The following COPS8 variants were observed in gnomAD, a reference collection of about 807,000 sequenced individuals.
COPS8 encodes the protein COP9 signalosome subunit 8.
A neutral mutation model predicts 31.5 loss-of-function variants in COPS8; 11 were observed. That is an observed-to-expected ratio of 0.35 (90% confidence interval 0.22 to 0.58). The LOEUF (loss-of-function observed/expected upper bound fraction) is 0.58. COPS8 is among the 20% of genes least tolerant of loss of function. The pLI is 0.83. For synonymous variants in COPS8, 81 were observed against 89.3 expected (o/e 0.91, Z 0.52); for missense variants, 215 against 255.1 (o/e 0.84, Z 1.07).
At chr2:237,088,562 A>G (rs749370827) in intron 2 of COPS8, 43 bp from the exon 3 acceptor site, 119 of 1,426,216 alleles carry the variant, frequency 8.3e-5, no homozygotes, top group Non-Finnish European at 9.8e-7. Flanking sequence ...TGAGATGATT[A>G]TGTTTTTAAT....
At chr2:237,088,448 T>C (rs1167417295) in intron 2 of COPS8, among the ~76,000 whole-genome samples, 157 bp from the exon 3 acceptor site, 2 of 152,232 alleles carry the variant, frequency 1.3e-5, no homozygotes, top group African/African-American at 4.8e-5. Context: ...AAAACCACTA[T>C]TGTTTCCCCA....
Position 237,094,167 on chromosome 2 carries a change from G to A in COPS8, c.409G>A (p.Val137Ile). The A allele has an allele frequency of 6.2e-7, 1 of 1,614,042 alleles. No individual in the cohort carries two copies. Among genetic ancestry groups the A allele is most frequent in the Non-Finnish European group, 8.5e-7 (1 of 1,179,954 alleles). Residue 137 changes from valine (V) to isoleucine (I), a missense_variant, in exon 5 of 8, where the codon GTT (valine) becomes ATT (isoleucine). By Grantham distance (29) the Val-to-Ile change is conservative. Coordinates refer to ENST00000354371, the MANE Select transcript of COPS8 (RefSeq NM_006710.5). Reference protein sequence around the residue: ...SIIADDFAAFVGLPVEEAVKG... With the variant: ...SIIADDFAAFIGLPVEEAVKG... ...CATCGCCGATGATTTTGCAGCCTTTGTTGGACTTCCTGTAGAAGAGGCTGT... is the reference window on the plus strand; with the variant it reads ...CATCGCCGATGATTTTGCAGCCTTTATTGGACTTCCTGTAGAAGAGGCTGT...
chr2:237,095,726 A>G, intron 5 of COPS8, 96 bp from the exon 6 acceptor site: 1 of 784,380 alleles, frequency 1.3e-6, no homozygotes, highest in East Asian at 2.6e-5. Flanking sequence ...TACTAAACAC[A>G]TCAGGTCTTC....
intron 4 of COPS8, among the ~76,000 whole-genome samples, chr2:237,092,036 CT>C (rs1696713859): frequency 2.0e-5 from 3 of 152,226 alleles, no homozygotes; most frequent in Admixed American, 2.0e-4. Context: ...TTCATCTTCC[CT>C]TCTGTCTCCA....
Position 237,095,919 on chromosome 2 carries a change from G to C in COPS8, c.502+35G>C, listed in dbSNP as rs756433161. 14 of 1,475,830 alleles carry C rather than the reference G, an allele frequency of 9.5e-6. No homozygotes were observed. The South Asian group carries it at 1.5e-4, about 16-fold the overall frequency. 91.4% of individuals were successfully genotyped at this position (1,475,830 alleles called of 1,614,324 possible). A position where few individuals can be genotyped will look rare whatever the true frequency, so the allele number is the denominator to read the frequency against. On this transcript the variant is annotated intron_variant, in intron 6 of 7. Coordinates refer to ENST00000354371, the MANE Select transcript of COPS8 (RefSeq NM_006710.5). ...GCTTTCACCCATTTACGCAGCACTG[G>C]ACTCTTCTAAGACTGCTTCAGGTTT... is the stretch of plus-strand genomic sequence containing the variant.
At chr2:237,094,241 G>T (rs1696755648) in intron 5 of COPS8, 44 bp downstream of exon 5, 1 of 1,566,206 alleles carries the variant, frequency 6.4e-7, no homozygotes. Flanking sequence ...ATGGAAAATA[G>T]AAGTGTGAAT....
rs767356850 is a variant in COPS8 at position 237,087,129 on chromosome 2, C to T, written c.81C>T (p.Ala27=). 1 of 1,600,860 alleles carries T rather than the reference C, an allele frequency of 6.2e-7. No homozygotes were observed. The highest frequency in any genetic ancestry group is 1.1e-5 in the South Asian group (1 of 88,360). ...LDQCENQELE[A]PGGIATPPVY... ...TGTTTTCATTTTTGGCCTTCTAGGC[C>T]CCTGGAGGAATTGCTACACCCCCAG... Residue 27 remains alanine (A), a splice_region_variant and synonymous_variant, in exon 2 of 8, where the codon GCC becomes GCT. Transcript: ENST00000354371.
chr2:237,091,671 A>G (rs537727080), intron 4 of COPS8, among the ~76,000 whole-genome samples: 2 of 152,370 alleles, frequency 1.3e-5, no homozygotes, highest in African/African-American at 4.8e-5. Context: ...AGAAAACTGA[A>G]AATGACTTAA....
At chr2:237,086,071 C>G in intron 1 of COPS8, 29 bp downstream of exon 1, 1 of 1,596,668 alleles carries the variant, frequency 6.3e-7, no homozygotes, top group South Asian at 1.1e-5. Context: ...CTGGGAGAAA[C>G]TGCGGAGTAG....
At chr2:237,087,792 C>G (rs1176060375) in intron 2 of COPS8, among the ~76,000 whole-genome samples, 1 of 152,038 alleles carries the variant, frequency 6.6e-6, no homozygotes, top group Non-Finnish European at 1.5e-5. Flanking sequence ...ATTAGCTGGG[C>G]ATGGTTGCGT....
chr2:237,086,299 C>G (rs1237962645), intron 1 of COPS8, among the ~76,000 whole-genome samples: 1 of 152,136 alleles, frequency 6.6e-6, no homozygotes, highest in African/African-American at 2.4e-5. Flanking sequence ...GCTCCAGCAC[C>G]TACCGATGAG....
At chr2:237,097,486 T>C (rs968548622) in intron 7 of COPS8, among the ~76,000 whole-genome samples, 177 bp from the exon 8 acceptor site, 3 of 152,202 alleles carry the variant, frequency 2.0e-5, no homozygotes, top group Admixed American at 6.5e-5. Flanking sequence ...ACTTCTTGGC[T>C]TGCTTTTCAA....
At chr2:237,096,416 C>T (rs892485018) in intron 6 of COPS8, among the ~76,000 whole-genome samples, 1 of 152,144 alleles carries the variant, frequency 6.6e-6, no homozygotes, top group Non-Finnish European at 1.5e-5. Context: ...CACTCATTCC[C>T]GCCTGATAGT....
intron 1 of COPS8, among the ~76,000 whole-genome samples, chr2:237,086,303 C>T (rs904777326): frequency 7.9e-5 from 12 of 152,108 alleles, no homozygotes; most frequent in African/African-American, 1.2e-4. Flanking sequence ...CAGCACCTAC[C>T]GATGAGCTCA....
intron 7 of COPS8, among the ~76,000 whole-genome samples, chr2:237,097,154 G>A (rs776181753): frequency 2.6e-5 from 4 of 151,928 alleles, no homozygotes; most frequent in Non-Finnish European, 5.9e-5. Flanking sequence ...TATTCAGAAG[G>A]CGTCCCCAGG....
At chr2:237,095,995 A>G (rs1696793632) in intron 6 of COPS8, 111 bp downstream of exon 6, 3 of 711,146 alleles carry the variant, frequency 4.2e-6, no homozygotes, top group African/African-American at 1.8e-5. Context: ...ATACTAACAC[A>G]ATGGAAATAA....
intron 4 of COPS8, among the ~76,000 whole-genome samples, chr2:237,091,955 C>T (rs987164685): frequency 6.6e-6 from 1 of 152,176 alleles, no homozygotes; most frequent in South Asian, 2.1e-4. Context: ...CAGGCATTGG[C>T]GGCCAACCTC....
At chr2:237,087,407 C>T (rs1340694761) in intron 2 of COPS8, 2 of 527,274 alleles carry the variant, frequency 3.8e-6, no homozygotes, top group Non-Finnish European at 6.9e-6. Flanking sequence ...GAAAACATTT[C>T]AATTTATTAT....
rs1383274067 is a variant in COPS8 at position 237,089,843 on chromosome 2, G to A, written c.199-19G>A. On this transcript the variant is annotated intron_variant, in intron 3 of 7. Coordinates refer to ENST00000354371, the MANE Select transcript of COPS8 (RefSeq NM_006710.5). Reference sequence around the variant, plus strand: ...ATTTACAGAGTGAATACCCTCTAAGGCAATAATATTTATTGCAGGCAAATT... The same window carrying A: ...ATTTACAGAGTGAATACCCTCTAAGACAATAATATTTATTGCAGGCAAATT... 9.3e-6 allele frequency: 15 copies of A among 1,610,694 alleles called. No individual in the cohort carries two copies. The highest frequency in any genetic ancestry group is 2.2e-5 in the East Asian group (1 of 44,872).
Sources: gnomAD v4.1 joint callset for allele counts (sites outside exome capture counted in the v4.1 genomes callset) on GRCh38, gnomAD v4.1.1 for gene constraint, MANE v1.5 for transcripts, NCBI Gene and HGNC (gene_info 2026-07-23, HGNC 2026-07-21) for gene names.